The following L1CAM variants were observed in gnomAD, a reference collection of about 807,000 sequenced individuals.
The protein encoded by L1CAM is L1 cell adhesion molecule.
Under a neutral mutation model 93.0 loss-of-function variants are expected in L1CAM, and 8 were observed. The ratio of observed to expected loss-of-function variants is 0.09; its 90% CI spans 0.05 to 0.16. The LOEUF (loss-of-function observed/expected upper bound fraction) is 0.16. L1CAM is among the 10% of genes least tolerant of loss of function. The pLI is 1.00. For synonymous variants in L1CAM, 453 were observed against 453.0 expected (o/e 1.00, Z 0.00); for missense variants, 777 against 1,073.4 (o/e 0.72, Z 3.86).
chrX:153,875,690 G>A lies in L1CAM; in HGVS notation c.76+71C>T, dbSNP rs782219149. ...AGGGTCCGGAACAGGGAGAAGGTGA[G>A]GAGGTAGAAGATAAAGAGGGGCCCA... On this transcript the variant is annotated intron_variant, in intron 2 of 28. Coordinates refer to ENST00000370060, the MANE Select transcript of L1CAM (RefSeq NM_001278116.2). The A allele has an allele frequency of 4.9e-5, 45 of 925,070 alleles. No individual in the cohort carries two copies. In the South Asian group the frequency reaches 8.3e-4, roughly 17 times the overall value. The allele number at this position is 925,070 out of a possible 1,213,427, so 76.2% of individuals were successfully genotyped here.
intron 18 of L1CAM, 67 bp downstream of exon 18, chrX:153,866,987 G>A: frequency 4.4e-6 from 5 of 1,133,475 alleles, no homozygotes; most frequent in Non-Finnish European, 4.8e-6. Context: ...GCATAGCCAA[G>A]GGGGAGCAAC....
At chrX:153,874,127 A>T (rs1557093954) in intron 2 of L1CAM, among the ~76,000 whole-genome samples, 1 of 112,293 alleles carries the variant, frequency 8.9e-6, no homozygotes, top group African/African-American at 3.2e-5. Context: ...AGGAAAAGAG[A>T]CAAAGGGGGC....
In L1CAM at chrX:153,867,563, A is replaced by T. The variant is rs1557091422; in HGVS notation, c.1940-10T>A. The stretch of plus-strand genomic sequence containing the variant: ...AATTCAATGTCATATTCTGCCAAGA[A>T]ATGAACCGACAATGGAGTGATCAGC... On this transcript the variant is annotated splice_polypyrimidine_tract_variant and intron_variant, in intron 16 of 28. Transcript: ENST00000370060. 3.3e-6 allele frequency: 4 copies of T among 1,200,310 alleles called. No homozygotes were observed. The South Asian group carries it at 5.3e-5, about 16-fold the overall frequency.
At position 153,872,549 on chromosome X, in the gene L1CAM, T is replaced by C. The variant is rs782420578; in HGVS notation, c.197+43A>G. 100 of 1,077,719 alleles carry C rather than the reference T, an allele frequency of 9.3e-5. No homozygotes were observed. The Admixed American group carries it at 2.1e-3, about 23-fold the overall frequency. The allele number at this position is 1,077,719 out of a possible 1,213,427, so 88.8% of individuals were successfully genotyped here. On this transcript the variant is annotated intron_variant, in intron 4 of 28. Transcript: ENST00000370060. ...AGTCCAGGGAGGCACAAGGCCGGGG[T>C]CAGTGGCAGGCAACAGGGGCTGAGA...
intron 3 of L1CAM, chrX:153,873,024 G>A (rs2064786447): frequency 2.1e-6 from 1 of 474,005 alleles, no homozygotes; most frequent in Non-Finnish European, 3.7e-6. Context: ...ATGGCAGAGA[G>A]GAACAGTGAG....
Position 153,867,428 on chromosome X carries a change from C to T in L1CAM, c.2065G>A (p.Val689Ile), listed in dbSNP as rs782746537. 7.4e-6 allele frequency: 9 copies of T among 1,208,747 alleles called. No homozygotes were observed. The African/African-American group carries it at 1.6e-4, about 21-fold the overall frequency. Reference sequence around the variant, plus strand: ...GGGCCATATTTGTTTATGGCAGTAACCCTAAAGGTGTAGTGGACATAGGGC... The same window carrying T: ...GGGCCATATTTGTTTATGGCAGTAATCCTAAAGGTGTAGTGGACATAGGGC... ...LSPYVHYTFR[V>I]TAINKYGPGE... The change falls in exon 17 of 29, where the codon GTT (valine) becomes ATT (isoleucine). Residue 689 changes from valine to isoleucine, a missense_variant. Val to Ile is a conservative substitution (Grantham distance 29). This residue lies in a region of L1CAM where 574 missense variants were observed against 781.0 expected (regional missense o/e 0.73). Coordinates refer to ENST00000370060, the MANE Select transcript of L1CAM (RefSeq NM_001278116.2).
chrX:153,867,961 G>A (rs782173217), intron 15 of L1CAM, 37 bp downstream of exon 15: 37 of 1,207,862 alleles, frequency 3.1e-5, no homozygotes, highest in South Asian at 1.6e-4. Context: ...TGTGAGCCCC[G>A]GCCTTCTGGA....
chrX:153,874,039 C>G (rs1410721393), intron 2 of L1CAM, among the ~76,000 whole-genome samples: 2 of 112,600 alleles, frequency 1.8e-5, no homozygotes, highest in African/African-American at 6.5e-5. Context: ...CCTGGGGACA[C>G]TGCAGAGGGC....
chrX:153,864,037 C>G lies in L1CAM; in HGVS notation c.3323-20G>C. On this transcript the variant is annotated intron_variant, in intron 25 of 28. Coordinates refer to ENST00000370060, the MANE Select transcript of L1CAM (RefSeq NM_001278116.2). Reference sequence around the variant, plus strand: ...CGCGGCCTGAGGGTGAGACACCAGCCCCCCGTGCTGCCGCCCAAGCCAGAA... The same window carrying G: ...CGCGGCCTGAGGGTGAGACACCAGCGCCCCGTGCTGCCGCCCAAGCCAGAA... The G allele has an allele frequency of 2.5e-6, 3 of 1,211,147 alleles. No homozygotes were observed. The highest frequency in any genetic ancestry group is 3.4e-6 in the Non-Finnish European group (3 of 895,135).
At chrX:153,871,846 T>TCCCCCCAACCCCCCCCCCCCCCCCCCCC (rs2064772410) in intron 5 of L1CAM, among the ~76,000 whole-genome samples, 1 of 90,850 alleles carries the variant, frequency 1.1e-5, no homozygotes, top group African/African-American at 4.2e-5. Flanking sequence ...AATCAGTCAC[T>TCCCCCCAACCCCCCCCCCCCCCCCCCCC]CCCCCCACCA....
At chrX:153,882,975 T>C (rs782112782) in intron 1 of L1CAM, among the ~76,000 whole-genome samples, 1 of 112,342 alleles carries the variant, frequency 8.9e-6, no homozygotes, top group East Asian at 2.8e-4. Context: ...AAAGACCCTG[T>C]TGATATCTGG....
intron 2 of L1CAM, among the ~76,000 whole-genome samples, chrX:153,874,885 T>C (rs1461759823): frequency 1.8e-5 from 2 of 112,025 alleles, no homozygotes; most frequent in East Asian, 2.8e-4. Context: ...TGTACTTACA[T>C]TCAGCCCCAC....
At position 153,869,939 on chromosome X, in the gene L1CAM, G is replaced by A. The variant is rs781960979; in HGVS notation, c.992-5C>T. 1.8e-5 allele frequency: 22 copies of A among 1,208,043 alleles called. No homozygotes were observed. The South Asian group carries it at 3.9e-4, about 21-fold the overall frequency. ...TGTGCAGCCAGTACGGGGCAGCTGG[G>A]AGGAAGGGGAGAGCCGCCCTGAGCC... On this transcript the variant is annotated splice_polypyrimidine_tract_variant and splice_region_variant and intron_variant, in intron 9 of 28. Transcript: ENST00000370060.
At chrX:153,875,478 A>G in intron 2 of L1CAM, 1 of 448,413 alleles carries the variant, frequency 2.2e-6, no homozygotes, top group Non-Finnish European at 4.0e-6. Flanking sequence ...GAGGAGGCCC[A>G]AGACCTCGGG....
intron 28 of L1CAM, 81 bp from the exon 29 acceptor site, chrX:153,862,975 G>T: frequency 2.6e-6 from 2 of 770,111 alleles, no homozygotes; most frequent in Non-Finnish European, 3.8e-6. Flanking sequence ...GCAGACGCCC[G>T]CCTGCCTTCC....
Position 153,867,780 on chromosome X carries a change from A to G in L1CAM, c.1939+20T>C, listed in dbSNP as rs1380892843. The G allele has an allele frequency of 5.9e-6, 7 of 1,176,913 alleles. No individual in the cohort carries two copies. The highest frequency in any genetic ancestry group is 8.1e-6 in the Non-Finnish European group (7 of 866,108). On this transcript the variant is annotated intron_variant, in intron 16 of 28. Transcript: ENST00000370060. Reference sequence around the variant, plus strand: ...CTGGCAGAAGTGACGGTGGGGTGGCACTGAGCTCAAGCCTCTTACTCTCAA... The same window carrying G: ...CTGGCAGAAGTGACGGTGGGGTGGCGCTGAGCTCAAGCCTCTTACTCTCAA...
rs201131192 is a variant in L1CAM, at chrX:153,868,424, T to G, written c.1581A>C (p.Thr527=). The G allele has an allele frequency of 3.2e-4, 390 of 1,210,227 alleles. 2 individuals are homozygous for G. The South Asian group carries it at 6.5e-3, about 20-fold the overall frequency. Residue 527 remains threonine (T), a synonymous_variant, in exon 14 of 29, where the codon ACA becomes ACC. Transcript: ENST00000370060. ...TCACCCTGGAACCTTTCTTCTCGAT[T>G]GTGCTGCGGGGCCCCTGAGTGATCT... ...ATQITQGPRS[T]IEKKGSRVTF... is the part of the protein sequence containing the mutation.
At chrX:153,885,046 TG>T in intron 1 of L1CAM, among the ~76,000 whole-genome samples, 1 of 111,083 alleles carries the variant, frequency 9.0e-6, no homozygotes, top group African/African-American at 3.3e-5. Flanking sequence ...CAGTGATAGG[TG>T]GGGGGTCCAG....
intron 28 of L1CAM, 29 bp from the exon 29 acceptor site, chrX:153,862,923 A>G (rs199870210): frequency 1.3e-4 from 145 of 1,127,575 alleles, no homozygotes; most frequent in Non-Finnish European, 1.7e-4. Context: ...GGTGCGAGTG[A>G]GAGCACTGCC....
Sources: gnomAD v4.1 joint callset for allele counts (sites outside exome capture counted in the v4.1 genomes callset) on GRCh38, gnomAD v4.1.1 for gene constraint, gnomAD v4.1.1 regional missense constraint, MANE v1.5 for transcripts, NCBI Gene and HGNC (gene_info 2026-07-23, HGNC 2026-07-21) for gene names.